Variants in WWOX observed in about 807,000 individuals in gnomAD.
WWOX encodes WW domain containing oxidoreductase.
A neutral mutation model predicts 46.2 loss-of-function variants in WWOX; 69 were observed. That is an observed-to-expected ratio of 1.49 (90% confidence interval 1.23 to 1.82). The LOEUF is 1.82. Among genes scored for constraint, WWOX ranks in the 40% most tolerant of loss-of-function variants. The pLI is 0.00. For synonymous variants in WWOX, 359 were observed against 202.6 expected (o/e 1.77, Z -6.56); for missense variants, 919 against 542.6 (o/e 1.69, Z -6.89).
At chr16:79,162,900 C>T (rs2050515061) in intron 8 of WWOX, among the ~76,000 whole-genome samples, 1 of 152,202 alleles carries the variant, frequency 6.6e-6, no homozygotes, top group Non-Finnish European at 1.5e-5. Flanking sequence ...TCCTGTTGCT[C>T]TGTAATTCAT....
At chr16:78,277,675 A>G (rs1247551191) in intron 5 of WWOX, among the ~76,000 whole-genome samples, 1 of 152,128 alleles carries the variant, frequency 6.6e-6, no homozygotes, top group Non-Finnish European at 1.5e-5. Context: ...GACAGCGTGT[A>G]GGGTTTGCAT....
At chr16:79,021,590 T>G (rs1314423148) in intron 8 of WWOX, among the ~76,000 whole-genome samples, 2 of 152,164 alleles carry the variant, frequency 1.3e-5, no homozygotes, top group Non-Finnish European at 2.9e-5. Context: ...GTGAAAACGA[T>G]GTTTGGAAAT....
At chr16:78,227,943 G>A (rs1332082436) in intron 5 of WWOX, among the ~76,000 whole-genome samples, 1 of 152,078 alleles carries the variant, frequency 6.6e-6, no homozygotes, top group African/African-American at 2.4e-5. Flanking sequence ...GCCATGGGTA[G>A]AATTTTAGGC....
At chr16:78,226,466 C>T (rs920996495) in intron 5 of WWOX, among the ~76,000 whole-genome samples, 1 of 149,460 alleles carries the variant, frequency 6.7e-6, no homozygotes, top group South Asian at 2.1e-4. Context: ...CCTGTCCTGT[C>T]CTGTCCTGTC....
chr16:79,061,895 C>A (rs1002217919), intron 8 of WWOX, among the ~76,000 whole-genome samples: 45 of 152,304 alleles, frequency 3.0e-4, no homozygotes, highest in African/African-American at 1.1e-3. Context: ...CCATTACATA[C>A]ATGGAATGTA....
At chr16:78,277,775 G>A (rs952223245) in intron 5 of WWOX, among the ~76,000 whole-genome samples, 1 of 152,186 alleles carries the variant, frequency 6.6e-6, no homozygotes, top group African/African-American at 2.4e-5. Flanking sequence ...CCCCCCGGGT[G>A]TGAAGGAAAG....
chr16:78,162,810 C>T (rs1459647669), intron 4 of WWOX, among the ~76,000 whole-genome samples: 1 of 151,926 alleles, frequency 6.6e-6, no homozygotes, highest in Non-Finnish European at 1.5e-5. Context: ...TCTTTTTATG[C>T]TTCACTTTGG....
intron 8 of WWOX, among the ~76,000 whole-genome samples, chr16:79,097,631 G>A (rs117793291): frequency 4.5e-4 from 68 of 152,182 alleles, no homozygotes; most frequent in African/African-American, 1.6e-3. Context: ...ATTCAACATC[G>A]TACTCCAAAG....
chr16:79,210,912 C>G (rs1444205923), intron 8 of WWOX, among the ~76,000 whole-genome samples: 1 of 152,064 alleles, frequency 6.6e-6, no homozygotes, highest in Non-Finnish European at 1.5e-5. Flanking sequence ...AGGAAATGTA[C>G]CCCCTTACCT....
At chr16:78,893,785 T>C (rs1009560628) in intron 8 of WWOX, among the ~76,000 whole-genome samples, 5 of 152,140 alleles carry the variant, frequency 3.3e-5, no homozygotes, top group African/African-American at 1.2e-4. Context: ...TCCCTGCCCC[T>C]CTCACCTTCA....
intron 8 of WWOX, among the ~76,000 whole-genome samples, chr16:79,130,536 G>A (rs1005452679): frequency 2.6e-5 from 4 of 152,150 alleles, no homozygotes; most frequent in Admixed American, 1.3e-4. Context: ...CTCAAGGACT[G>A]TGGAACCTGT....
Position 79,211,817 on chromosome 16 carries a change from G to A in WWOX, c.*21G>A, listed in dbSNP as rs372346879. 3.1e-6 allele frequency: 5 copies of A among 1,613,518 alleles called. No individual in the cohort carries two copies. In the African/African-American group the frequency reaches 6.7e-5, roughly 22 times the overall value. ...GCTAAGTGGAGCTCAGAGCGGATGG[G>A]CACACACACCCGCCCTGTGTGTGTC... On this transcript the variant is annotated 3_prime_UTR_variant, in exon 9 of 9. Coordinates refer to ENST00000566780, the MANE Select transcript of WWOX (RefSeq NM_016373.4).
At chr16:78,971,595 G>C (rs2046471723) in intron 8 of WWOX, among the ~76,000 whole-genome samples, 1 of 152,020 alleles carries the variant, frequency 6.6e-6, no homozygotes, top group Non-Finnish European at 1.5e-5. Flanking sequence ...TCCCAGAAGA[G>C]CATAAGAAAA....
chr16:78,718,270 T>A (rs1206241665), intron 8 of WWOX, among the ~76,000 whole-genome samples: 1 of 152,000 alleles, frequency 6.6e-6, no homozygotes, highest in East Asian at 1.9e-4. Flanking sequence ...CATATGCATT[T>A]CCATGTTAAG....
rs185700190 is a variant in WWOX, at chr16:78,959,220, T to C, written c.1057-252388T>C. On this transcript the variant is annotated intron_variant, in intron 8 of 8. Coordinates refer to ENST00000566780, the MANE Select transcript of WWOX (RefSeq NM_016373.4). Reference sequence around the variant, plus strand: ...TCTCGTTCTTCTCATTACTGAGAAATTATGTTCCTGGAATAATATTGTACA... The same window carrying C: ...TCTCGTTCTTCTCATTACTGAGAAACTATGTTCCTGGAATAATATTGTACA... Among the ~76,000 whole-genome samples, 230 of 152,294 alleles carry C rather than the reference T, an allele frequency of 1.5e-3. 1 individual carries two copies. The highest frequency in any genetic ancestry group is 2.6e-3 in the Non-Finnish European group (178 of 68,020).
intron 8 of WWOX, among the ~76,000 whole-genome samples, chr16:78,924,763 G>C (rs555205889): frequency 6.6e-6 from 1 of 152,284 alleles, no homozygotes; most frequent in South Asian, 2.1e-4. Context: ...GATGTCTTCT[G>C]TTTAAGTATT....
intron 8 of WWOX, among the ~76,000 whole-genome samples, chr16:78,938,485 C>G (rs992511351): frequency 7.2e-5 from 11 of 152,066 alleles, no homozygotes; most frequent in South Asian, 4.2e-4. Flanking sequence ...AGTTTTCTAT[C>G]TCCTGCTGCT....
intron 5 of WWOX, among the ~76,000 whole-genome samples, chr16:78,300,351 C>G (rs2080017571): frequency 6.6e-6 from 1 of 152,126 alleles, no homozygotes; most frequent in African/African-American, 2.4e-5. Flanking sequence ...AAGGAAAATT[C>G]TTGGCTAGAG....
intron 8 of WWOX, among the ~76,000 whole-genome samples, chr16:78,728,198 G>C (rs1343442735): frequency 6.6e-6 from 1 of 150,492 alleles, no homozygotes; most frequent in African/African-American, 2.4e-5. Context: ...CTGAGTAGCT[G>C]TGACTACGGA....
Sources: gnomAD v4.1 joint callset for allele counts (sites outside exome capture counted in the v4.1 genomes callset) on GRCh38, gnomAD v4.1.1 for gene constraint, MANE v1.5 for transcripts, NCBI Gene and HGNC (gene_info 2026-07-23, HGNC 2026-07-21) for gene names.